The following FRMD4B variants were observed in gnomAD, a reference collection of about 807,000 sequenced individuals.
The protein encoded by FRMD4B is FERM domain containing 4B.
Under a neutral mutation model 141.5 loss-of-function variants are expected in FRMD4B, and 74 were observed. The ratio of observed to expected loss-of-function variants is 0.52; its 90% CI spans 0.43 to 0.63. FRMD4B has a LOEUF of 0.63. Among genes scored for constraint, FRMD4B ranks in the 30% least tolerant of loss-of-function variants. FRMD4B has a pLI of 0.00. For missense variants in FRMD4B, 1,366 were observed against 1,253.4 expected, an observed-to-expected ratio of 1.09 and a Z score of -1.36; for synonymous variants, 506 against 467.9, an observed-to-expected ratio of 1.08 and a Z score of -1.05.
At chr3:69,176,415 TAG>T in intron 22 of FRMD4B, 107 bp downstream of exon 22, 1 of 880,602 alleles carries the variant, frequency 1.1e-6, no homozygotes, top group Non-Finnish European at 1.8e-6. Flanking sequence ...GCCCACAGGC[TAG>T]AGTTTGCCAA....
upstream of FRMD4B, among the ~76,000 whole-genome samples, chr3:69,387,127 C>T (rs1413969275): frequency 1.3e-5 from 2 of 152,154 alleles, no homozygotes; most frequent in Non-Finnish European, 2.9e-5. Flanking sequence ...CGCCTACCAC[C>T]AGTCTCTGTC....
At chr3:69,240,591 G>A (rs1268964606) in intron 7 of FRMD4B, among the ~76,000 whole-genome samples, 1 of 151,892 alleles carries the variant, frequency 6.6e-6, no homozygotes, top group Non-Finnish European at 1.5e-5. Context: ...TCTCTTCTGG[G>A]AAACTTCCTA....
intron 4 of FRMD4B, among the ~76,000 whole-genome samples, chr3:69,299,016 A>G (rs1461569943): frequency 6.6e-6 from 1 of 151,966 alleles, no homozygotes; most frequent in African/African-American, 2.4e-5. Context: ...TTATCAGATG[A>G]ATGGACAAAC....
intron 8 of FRMD4B, among the ~76,000 whole-genome samples, chr3:69,223,969 C>G (rs1286672354): frequency 6.6e-6 from 1 of 152,140 alleles, no homozygotes; most frequent in African/African-American, 2.4e-5. Context: ...TACTAAATGT[C>G]TCAATATTGA....
chr3:69,277,407 C>A (rs2106969550), intron 5 of FRMD4B, among the ~76,000 whole-genome samples: 1 of 151,884 alleles, frequency 6.6e-6, no homozygotes, highest in Non-Finnish European at 1.5e-5. Flanking sequence ...TATCGTGGGG[C>A]CAGATCTAAT....
intron 17 of FRMD4B, among the ~76,000 whole-genome samples, chr3:69,192,246 C>T (rs558257187): frequency 4.0e-5 from 6 of 151,878 alleles, no homozygotes; most frequent in Non-Finnish European, 7.4e-5. Flanking sequence ...CATGGTGGTG[C>T]GTGCCTATAG....
rs150839775 is a variant in FRMD4B at position 69,417,414 on chromosome 3, A to T, written c.-1+15220T>A. On this transcript the variant is annotated intron_variant, in intron 2 of 5. Coordinates refer to the FRMD4B transcript ENST00000459638. ...TTGATGGGGTTGTTTTTATCTTGTA[A>T]ATTTAAGTTCTTTGTAGATTCTGGA... 2.5e-3 allele frequency among the ~76,000 whole-genome samples: 386 copies of T among 152,028 alleles called. 3 individuals are homozygous for T. Among genetic ancestry groups the T allele is most frequent in the African/African-American group, 8.8e-3 (366 of 41,490 alleles).
At chr3:69,430,722 G>C (rs1452927578) in intron 2 of FRMD4B, among the ~76,000 whole-genome samples, 1 of 152,192 alleles carries the variant, frequency 6.6e-6, no homozygotes, top group Non-Finnish European at 1.5e-5. Flanking sequence ...AACAGGGAAG[G>C]CTCTAAAGGT....
At chr3:69,293,445 TAGCAGG>T (rs1190839322) in intron 4 of FRMD4B, among the ~76,000 whole-genome samples, 16 of 114,222 alleles carry the variant, frequency 1.4e-4, no homozygotes, top group African/African-American at 4.1e-4. Context: ...GTGCTTAACA[TAGCAGG>T]TGGCATGTAG....
At chr3:69,413,566 A>G (rs1704797040) in intron 2 of FRMD4B, among the ~76,000 whole-genome samples, 1 of 152,170 alleles carries the variant, frequency 6.6e-6, no homozygotes. Context: ...CAGTAACCCC[A>G]TTTCATAACC....
chr3:69,342,294 T>A (rs528745070), intron 1 of FRMD4B, among the ~76,000 whole-genome samples: 1 of 152,330 alleles, frequency 6.6e-6, no homozygotes, highest in East Asian at 1.9e-4. Flanking sequence ...TGTGAACTTT[T>A]GCCAAGTGAA....
intron 7 of FRMD4B, among the ~76,000 whole-genome samples, chr3:69,227,406 T>C (rs148595163): frequency 1.3e-5 from 2 of 152,266 alleles, no homozygotes; most frequent in Non-Finnish European, 2.9e-5. Context: ...GCTTAGCCTA[T>C]AATCCCAGCG....
intron 1 of FRMD4B, among the ~76,000 whole-genome samples, chr3:69,455,508 C>G (rs181609454): frequency 4.6e-5 from 7 of 152,256 alleles, no homozygotes; most frequent in Admixed American, 3.9e-4. Context: ...TCTGCAGCTT[C>G]CCTTCTGAAG....
chr3:69,460,262 A>G (rs763412980), intron 1 of FRMD4B, among the ~76,000 whole-genome samples: 1 of 152,218 alleles, frequency 6.6e-6, no homozygotes, highest in South Asian at 2.1e-4. Context: ...ATTATTCATC[A>G]TCACATGTTG....
At chr3:69,379,090 T>C (rs1011489460) in intron 1 of FRMD4B, among the ~76,000 whole-genome samples, 7 of 152,322 alleles carry the variant, frequency 4.6e-5, no homozygotes, top group Admixed American at 1.3e-4. Flanking sequence ...AAGTCTATTT[T>C]GATTTTGTGT....
At chr3:69,248,254 C>CACAA (rs2093437967) in intron 7 of FRMD4B, among the ~76,000 whole-genome samples, 1 of 151,710 alleles carries the variant, frequency 6.6e-6, no homozygotes, top group East Asian at 1.9e-4. Flanking sequence ...TACACACACA[C>CACAA]ACACACAAAT....
rs2092701083 is a variant in FRMD4B, at chr3:69,180,992, A to T, written c.2758T>A (p.Phe920Ile). 2 of 1,613,862 alleles carry T rather than the reference A, an allele frequency of 1.2e-6. No individual in the cohort carries two copies. The highest frequency in any genetic ancestry group is 2.2e-5 in the South Asian group (2 of 91,086). Residue 920 changes from phenylalanine (F) to isoleucine (I), a missense_variant, in exon 21 of 23, where the codon TTT becomes ATT. Physicochemically the swap from Phe to Ile is conservative, Grantham distance 21. Transcript: ENST00000398540. ...CTCTGTGATCCCCTGTCTGAGTCAAAGCTGGTCTGCGGGCTGTGTCCCTGA... is the reference window on the plus strand; with the variant it reads ...CTCTGTGATCCCCTGTCTGAGTCAATGCTGGTCTGCGGGCTGTGTCCCTGA... ...KDQGHSPQTS[F>I]DSDRGSQRCL...
chr3:69,439,886 G>C (rs905887591), intron 1 of FRMD4B, among the ~76,000 whole-genome samples: 1 of 152,170 alleles, frequency 6.6e-6, no homozygotes, highest in African/African-American at 2.4e-5. Flanking sequence ...TCTCCCCCTT[G>C]TGGAAGTGCC....
intron 1 of FRMD4B, among the ~76,000 whole-genome samples, chr3:69,355,463 T>G (rs1302196787): frequency 2.0e-5 from 3 of 152,190 alleles, no homozygotes; most frequent in African/African-American, 7.2e-5. Flanking sequence ...CAATACATGG[T>G]ACCTTTTCTT....
Sources: gnomAD v4.1 joint callset for allele counts (sites outside exome capture counted in the v4.1 genomes callset) on GRCh38, gnomAD v4.1.1 for gene constraint, MANE v1.5 for transcripts, NCBI Gene and HGNC (gene_info 2026-07-23, HGNC 2026-07-21) for gene names.